MRPL1: variants seen among roughly 807,000 people sequenced by gnomAD.
MRPL1 encodes the protein mitochondrial ribosomal protein L1, also known as large ribosomal subunit protein uL1m.
MRPL1 carries 28 observed loss-of-function variants against 38.0 expected under a neutral mutation model. The ratio of observed to expected loss-of-function variants is 0.74; its 90% CI spans 0.55 to 1.01. The LOEUF is 1.01. Ranked by LOEUF, MRPL1 falls within the 50% of genes least tolerant of loss-of-function variation. The pLI is 0.00. For missense variants in MRPL1, 358 were observed against 389.8 expected (o/e 0.92, Z 0.69); for synonymous variants, 123 against 126.7 (o/e 0.97, Z 0.20).
intron 7 of MRPL1, among the ~76,000 whole-genome samples, chr4:77,918,016 T>G (rs1736460764): frequency 6.8e-6 from 1 of 146,884 alleles, no homozygotes; most frequent in African/African-American, 2.6e-5. Context: ...GATGCGCCAC[T>G]GCACTCCAGC....
At chr4:77,933,451 C>CG (rs1736893097) in intron 7 of MRPL1, among the ~76,000 whole-genome samples, 1 of 151,996 alleles carries the variant, frequency 6.6e-6, no homozygotes, top group South Asian at 2.1e-4. Flanking sequence ...CCCAGAAGTA[C>CG]GGGGGAGATC....
At chr4:77,878,360 A>G (rs2110232668) in intron 2 of MRPL1, among the ~76,000 whole-genome samples, 1 of 152,364 alleles carries the variant, frequency 6.6e-6, no homozygotes, top group Non-Finnish European at 1.5e-5. Context: ...TGATTACACT[A>G]AGAAATAAGA....
intron 7 of MRPL1, among the ~76,000 whole-genome samples, chr4:77,918,515 A>G (rs971538674): frequency 3.9e-5 from 6 of 152,168 alleles, no homozygotes; most frequent in African/African-American, 1.4e-4. Context: ...AGAATAAGCA[A>G]TTTCTTACAA....
At chr4:77,932,220 G>T (rs1164323220) in intron 7 of MRPL1, among the ~76,000 whole-genome samples, 2 of 152,102 alleles carry the variant, frequency 1.3e-5, no homozygotes, top group Non-Finnish European at 2.9e-5. Flanking sequence ...GAATTACGGG[G>T]GTGACTAGTG....
At chr4:77,922,460 A>C (rs1736602300) in intron 7 of MRPL1, among the ~76,000 whole-genome samples, 1 of 152,320 alleles carries the variant, frequency 6.6e-6, no homozygotes, top group African/African-American at 2.4e-5. Flanking sequence ...TGAGCAGACT[A>C]ACATGATCTG....
intron 1 of MRPL1, among the ~76,000 whole-genome samples, chr4:77,865,924 T>C (rs971469802): frequency 2.0e-5 from 3 of 152,202 alleles, no homozygotes; most frequent in African/African-American, 4.8e-5. Context: ...TCCAAAGCCC[T>C]TAGAATGGCC....
chr4:77,906,993 T>G, intron 6 of MRPL1: 2 of 985,360 alleles, frequency 2.0e-6, no homozygotes, highest in Non-Finnish European at 2.4e-6. Flanking sequence ...GCTGTAGTGC[T>G]CCTGAGCCAA....
chr4:77,887,175 T>C, intron 4 of MRPL1, 45 bp from the exon 5 acceptor site: 2 of 1,372,280 alleles, frequency 1.5e-6, no homozygotes, highest in Non-Finnish European at 2.1e-6. Context: ...AGACTGAATA[T>C]ATTTAAAATT....
At chr4:77,893,657 G>A (rs577964406) in intron 5 of MRPL1, among the ~76,000 whole-genome samples, 2 of 152,214 alleles carry the variant, frequency 1.3e-5, no homozygotes, top group South Asian at 4.2e-4. Flanking sequence ...TTCAGTTTCA[G>A]TTCTTTGTGA....
At chr4:77,873,125 G>A (rs1411009200) in intron 2 of MRPL1, among the ~76,000 whole-genome samples, 1 of 152,176 alleles carries the variant, frequency 6.6e-6, no homozygotes, top group Non-Finnish European at 1.5e-5. Context: ...TTGCCAAAAA[G>A]CTCTAGGATA....
chr4:77,904,749 G>A (rs1736115972), intron 6 of MRPL1, among the ~76,000 whole-genome samples: 1 of 152,126 alleles, frequency 6.6e-6, no homozygotes, highest in Non-Finnish European at 1.5e-5. Context: ...TTCAGCAAAG[G>A]TGTCAAGGTT....
intron 2 of MRPL1, among the ~76,000 whole-genome samples, chr4:77,876,622 G>A (rs888031441): frequency 3.9e-5 from 6 of 152,068 alleles, no homozygotes; most frequent in African/African-American, 1.4e-4. Flanking sequence ...CATAATTTTA[G>A]TTGTAGTTTT....
At position 77,883,514 on chromosome 4, in the gene MRPL1, A is replaced by G. The variant is rs1735598627; in HGVS notation, c.402+14A>G. The G allele has an allele frequency of 6.3e-7, 1 of 1,576,322 alleles. No individual in the cohort carries two copies. Among genetic ancestry groups the G allele is most frequent in the South Asian group, 1.2e-5 (1 of 83,798 alleles). On this transcript the variant is annotated intron_variant, in intron 3 of 8. Transcript: ENST00000315567. ...CTGGGAAAGAAGGTATGTAGAGTCC[A>G]TTAAAATAAGTTTACCTGTGAACAG... is the stretch of plus-strand genomic sequence containing the variant.
At chr4:77,912,211 C>A (rs1428704713) in intron 7 of MRPL1, among the ~76,000 whole-genome samples, 1 of 152,164 alleles carries the variant, frequency 6.6e-6, no homozygotes, top group East Asian at 1.9e-4. Flanking sequence ...CTCACCACTG[C>A]TTCTTTTCAA....
At chr4:77,867,483 C>G (rs1310960306) in intron 1 of MRPL1, among the ~76,000 whole-genome samples, 1 of 152,178 alleles carries the variant, frequency 6.6e-6, no homozygotes, top group Non-Finnish European at 1.5e-5. Context: ...CATTTCCTGC[C>G]CATGATGCTT....
At chr4:77,894,479 A>T (rs1001842362) in intron 6 of MRPL1, among the ~76,000 whole-genome samples, 1 of 152,132 alleles carries the variant, frequency 6.6e-6, no homozygotes, top group Non-Finnish European at 1.5e-5. Context: ...AGTTTTTAAA[A>T]TGTAGATCAA....
intron 7 of MRPL1, among the ~76,000 whole-genome samples, chr4:77,948,211 G>A (rs553878245): frequency 1.2e-4 from 19 of 152,120 alleles, no homozygotes; most frequent in Middle Eastern, 3.4e-3. Context: ...GTCTTTAGCG[G>A]GGGGTGTAGA....
chr4:77,912,777 G>A (rs1374698436), intron 7 of MRPL1, among the ~76,000 whole-genome samples: 1 of 152,096 alleles, frequency 6.6e-6, no homozygotes, highest in Non-Finnish European at 1.5e-5. Context: ...AAAGTTGGAA[G>A]TCTACCTGAT....
intron 7 of MRPL1, among the ~76,000 whole-genome samples, chr4:77,938,205 A>T (rs1336572364): frequency 6.6e-6 from 1 of 152,200 alleles, no homozygotes; most frequent in Non-Finnish European, 1.5e-5. Context: ...TTTACACCAG[A>T]ACAGCAGAAA....
Sources: gnomAD v4.1 joint callset for allele counts (sites outside exome capture counted in the v4.1 genomes callset) on GRCh38, gnomAD v4.1.1 for gene constraint, MANE v1.5 for transcripts, NCBI Gene and HGNC (gene_info 2026-07-23, HGNC 2026-07-21) for gene names.